TANC2: variants seen among roughly 807,000 people sequenced by gnomAD.
TANC2 encodes the protein tetratricopeptide repeat, ankyrin repeat and coiled-coil containing 2.
Under a neutral mutation model 210.5 loss-of-function variants are expected in TANC2, and 26 were observed. That is an observed-to-expected ratio of 0.12 (90% CI 0.09 to 0.17). The LOEUF (loss-of-function observed/expected upper bound fraction) is 0.17. Ranked by LOEUF, TANC2 falls within the 10% of genes least tolerant of loss-of-function variation. The probability of loss-of-function intolerance (pLI) is 1.00; values close to 1 mark genes in which losing one functional copy is unlikely to be tolerated. For synonymous variants in TANC2, 931 were observed against 967.1 expected (o/e 0.96, Z 0.69); for missense variants, 2,129 against 2,608.9 (o/e 0.82, Z 4.01).
At chr17:63,158,130 T>C (rs373704778) in intron 5 of TANC2, among the ~76,000 whole-genome samples, 16 of 152,336 alleles carry the variant, frequency 1.1e-4, no homozygotes, top group African/African-American at 3.6e-4. Context: ...TAGTGGTGTC[T>C]AGTTCAGGCT....
chr17:63,159,126 C>G (rs1247854917), intron 5 of TANC2, among the ~76,000 whole-genome samples: 3 of 152,158 alleles, frequency 2.0e-5, no homozygotes, highest in Non-Finnish European at 4.4e-5. Flanking sequence ...GACATTCTAT[C>G]ACTTTTTGCC....
intron 9 of TANC2, among the ~76,000 whole-genome samples, chr17:63,303,225 C>CAGT (rs2044781127): frequency 6.6e-6 from 1 of 152,172 alleles, no homozygotes; most frequent in Non-Finnish European, 1.5e-5. Context: ...TGTGTTTTTG[C>CAGT]AGTAGCTGGT....
intron 6 of TANC2, among the ~76,000 whole-genome samples, chr17:63,196,228 A>G (rs1368215733): frequency 3.3e-5 from 5 of 152,200 alleles, no homozygotes; most frequent in African/African-American, 9.7e-5. Context: ...TTTTAAATCA[A>G]TTTACATTGT....
intron 4 of TANC2, among the ~76,000 whole-genome samples, chr17:63,102,965 T>C (rs1051295680): frequency 5.3e-5 from 8 of 152,166 alleles, no homozygotes; most frequent in African/African-American, 1.9e-4. Context: ...ATATTATAAG[T>C]AATTTAGAAA....
intron 3 of TANC2, among the ~76,000 whole-genome samples, chr17:63,096,666 G>A (rs563093206): frequency 2.6e-4 from 40 of 152,200 alleles, no homozygotes; most frequent in African/African-American, 8.9e-4. Context: ...CATTTGGGTT[G>A]TTTCCACTTT....
At chr17:63,246,733 A>G (rs888021623) in intron 8 of TANC2, among the ~76,000 whole-genome samples, 7 of 151,998 alleles carry the variant, frequency 4.6e-5, no homozygotes, top group Admixed American at 4.6e-4. Context: ...ATTGTTTCCA[A>G]TTTTGGTCTA....
At chr17:63,085,417 T>A (rs1281960564) in intron 3 of TANC2, among the ~76,000 whole-genome samples, 2 of 152,170 alleles carry the variant, frequency 1.3e-5, no homozygotes. Context: ...TTTCTGCCAT[T>A]TGTTGTTTTA....
At chr17:63,292,118 G>A (rs189668689) in intron 9 of TANC2, among the ~76,000 whole-genome samples, 30 of 152,302 alleles carry the variant, frequency 2.0e-4, no homozygotes, top group Non-Finnish European at 4.4e-5. Context: ...ACTCTTCTAA[G>A]TTGTTGGAAA....
At chr17:62,993,696 G>A (rs1028542259) in intron 1 of TANC2, among the ~76,000 whole-genome samples, 2 of 152,132 alleles carry the variant, frequency 1.3e-5, no homozygotes, top group African/African-American at 4.8e-5. Context: ...GGAGGCTGAG[G>A]CAGGAGGATT....
intron 11 of TANC2, among the ~76,000 whole-genome samples, chr17:63,333,047 C>G (rs1386936570): frequency 2.0e-5 from 3 of 152,196 alleles, no homozygotes. Flanking sequence ...TGGTGACATA[C>G]AAGGAGATTA....
intron 4 of TANC2, among the ~76,000 whole-genome samples, chr17:63,124,903 A>G (rs1281782822): frequency 6.6e-6 from 1 of 152,194 alleles, no homozygotes; most frequent in Non-Finnish European, 1.5e-5. Context: ...GAACAGTTAC[A>G]TCTCAAAACC....
intron 2 of TANC2, among the ~76,000 whole-genome samples, chr17:63,017,469 A>G (rs1236256906): frequency 6.6e-6 from 1 of 151,920 alleles, no homozygotes; most frequent in Non-Finnish European, 1.5e-5. Context: ...GTTGTATAGG[A>G]TTTTAGTTTT....
At chr17:63,370,211 C>T (rs1314445586) in intron 14 of TANC2, among the ~76,000 whole-genome samples, 11 of 142,010 alleles carry the variant, frequency 7.7e-5, no homozygotes, top group Non-Finnish European at 1.5e-4. Context: ...CAGAGTCTCT[C>T]TCTGTCACCC....
intron 7 of TANC2, among the ~76,000 whole-genome samples, chr17:63,235,524 C>T (rs1372138951): frequency 6.6e-6 from 1 of 152,002 alleles, no homozygotes; most frequent in African/African-American, 2.4e-5. Flanking sequence ...ACTTCTCTAC[C>T]TTTTTCTAGT....
intron 11 of TANC2, among the ~76,000 whole-genome samples, chr17:63,319,960 T>C (rs1159543126): frequency 6.6e-6 from 1 of 152,200 alleles, no homozygotes; most frequent in Admixed American, 6.5e-5. Flanking sequence ...CTAAAATTTT[T>C]ATTAGTTTAC....
chr17:63,322,781 C>G (rs1343163352), intron 11 of TANC2, among the ~76,000 whole-genome samples: 1 of 152,156 alleles, frequency 6.6e-6, no homozygotes, highest in African/African-American at 2.4e-5. Context: ...TTTCTTACAT[C>G]TTATTCTTTC....
chr17:63,265,801 TTTCTG>T (rs1285844749), intron 8 of TANC2, among the ~76,000 whole-genome samples: 3 of 146,116 alleles, frequency 2.1e-5, no homozygotes, highest in Admixed American at 1.4e-4. Context: ...ATTGTTACAC[TTTCTG>T]TTTTTTTTTT....
In TANC2 at chr17:63,112,922, A is replaced by G. The variant is rs143516297; in HGVS notation, c.322+13565A>G. Among the ~76,000 whole-genome samples the G allele has an allele frequency of 2.0e-5, 3 of 152,286 alleles. No individual in the cohort carries two copies. In the East Asian group the frequency reaches 5.8e-4, roughly 29 times the overall value. On this transcript the variant is annotated intron_variant, in intron 4 of 27. Coordinates refer to ENST00000689528, the Ensembl canonical transcript of TANC2. ...CCTTCTTCTGTGACCTTCCCCAGAA[A>G]ACTCACCATGATTTATGCCATGGTC...
At chr17:63,253,006 GT>G (rs1395832642) in intron 8 of TANC2, among the ~76,000 whole-genome samples, 1 of 152,118 alleles carries the variant, frequency 6.6e-6, no homozygotes, top group Non-Finnish European at 1.5e-5. Context: ...TCATATAGTA[GT>G]ACTATTTTCA....
Sources: gnomAD v4.1 joint callset for allele counts (sites outside exome capture counted in the v4.1 genomes callset) on GRCh38, gnomAD v4.1.1 for gene constraint, MANE v1.5 for transcripts, NCBI Gene and HGNC (gene_info 2026-07-23, HGNC 2026-07-21) for gene names.